Variants in ANKRD17 observed in about 807,000 individuals in gnomAD.
ANKRD17 encodes the protein ankyrin repeat domain 17.
A neutral mutation model predicts 229.7 loss-of-function variants in ANKRD17; 19 were observed. The ratio of observed to expected loss-of-function variants is 0.08; its 90% CI spans 0.06 to 0.12. ANKRD17 has a LOEUF of 0.12. ANKRD17 is among the 10% of genes least tolerant of loss of function. ANKRD17 has a pLI of 1.00. For missense variants in ANKRD17, 2,176 were observed against 3,176.8 expected (o/e 0.68, Z 7.57); for synonymous variants, 1,112 against 1,146.1 (o/e 0.97, Z 0.60).
chr4:73,111,325 A>G (rs1725291138), intron 24 of ANKRD17, among the ~76,000 whole-genome samples: 1 of 152,204 alleles, frequency 6.6e-6, no homozygotes, highest in Non-Finnish European at 1.5e-5. Flanking sequence ...GAACACAAGC[A>G]CTGTGATACC....
chr4:73,145,747 ATTC>A (rs1730187994), intron 10 of ANKRD17, among the ~76,000 whole-genome samples: 1 of 152,176 alleles, frequency 6.6e-6, no homozygotes, highest in Non-Finnish European at 1.5e-5. Context: ...TATACGTTCT[ATTC>A]TAGTTAGTTG....
intron 6 of ANKRD17, among the ~76,000 whole-genome samples, chr4:73,153,047 C>G (rs1476781421): frequency 6.6e-6 from 1 of 152,070 alleles, no homozygotes; most frequent in African/African-American, 2.4e-5. Context: ...CAAAACAACA[C>G]CAGGGCCAGA....
chr4:73,200,191 G>A (rs1224297206), intron 1 of ANKRD17, among the ~76,000 whole-genome samples: 1 of 152,126 alleles, frequency 6.6e-6, no homozygotes, highest in Non-Finnish European at 1.5e-5. Context: ...CTTCCATTCA[G>A]TATTTAGTAA....
intron 24 of ANKRD17, among the ~76,000 whole-genome samples, chr4:73,105,423 C>T (rs901769037): frequency 2.0e-5 from 3 of 151,166 alleles, no homozygotes; most frequent in Non-Finnish European, 2.9e-5. Flanking sequence ...GACAGAATAT[C>T]TAAGGGGTAA....
At chr4:73,179,488 GTATATATA>G (rs1169079744) in intron 1 of ANKRD17, among the ~76,000 whole-genome samples, 14 of 48,240 alleles carry the variant, frequency 2.9e-4, no homozygotes, top group Admixed American at 7.4e-4. Context: ...GTGTGTGTGT[GTATATATA>G]TATATATATA....
chr4:73,212,684 T>C (rs776502428), intron 1 of ANKRD17, among the ~76,000 whole-genome samples: 6 of 151,746 alleles, frequency 4.0e-5, no homozygotes, highest in Non-Finnish European at 8.8e-5. Context: ...ACCCACCACA[T>C]GTTTTTGGAA....
intron 29 of ANKRD17, among the ~76,000 whole-genome samples, chr4:73,086,948 A>ATATATATATATATATATATC (rs1341807251): frequency 2.2e-5 from 2 of 92,890 alleles, no homozygotes; most frequent in African/African-American, 8.3e-5. Flanking sequence ...ATATATATAT[A>ATATATATATATATATATATC]TATATCTGTA....
At chr4:73,185,878 A>C (rs1189433906) in intron 1 of ANKRD17, among the ~76,000 whole-genome samples, 3 of 152,066 alleles carry the variant, frequency 2.0e-5, no homozygotes, top group Non-Finnish European at 4.4e-5. Flanking sequence ...CATATTTTAA[A>C]AACTGAATAT....
At chr4:73,093,674 C>A (rs1723013386) in intron 28 of ANKRD17, among the ~76,000 whole-genome samples, 2 of 152,014 alleles carry the variant, frequency 1.3e-5, no homozygotes, top group Non-Finnish European at 2.9e-5. Context: ...GTGCCCAGCC[C>A]AAGAACTCAA....
intron 1 of ANKRD17, among the ~76,000 whole-genome samples, chr4:73,241,962 A>G (rs1269356100): frequency 5.9e-5 from 9 of 152,254 alleles, no homozygotes; most frequent in South Asian, 2.1e-4. Flanking sequence ...AATTTAGTAC[A>G]TTATTTCTAA....
chr4:73,185,065 G>A (rs1736111206), intron 1 of ANKRD17, among the ~76,000 whole-genome samples: 1 of 151,944 alleles, frequency 6.6e-6, no homozygotes, highest in African/African-American at 2.4e-5. Flanking sequence ...TGGAAAAAAG[G>A]GCCAGTCTCT....
At chr4:73,153,201 C>T (rs952280890) in intron 6 of ANKRD17, among the ~76,000 whole-genome samples, 2 of 151,828 alleles carry the variant, frequency 1.3e-5, no homozygotes, top group Admixed American at 6.6e-5. Flanking sequence ...TTCTTGATGC[C>T]TAGGGGTCAA....
intron 1 of ANKRD17, among the ~76,000 whole-genome samples, chr4:73,213,948 T>C (rs1284389663): frequency 1.3e-5 from 2 of 152,172 alleles, no homozygotes; most frequent in African/African-American, 4.8e-5. Context: ...AAAAAAATAC[T>C]CAAATTTGAC....
intron 1 of ANKRD17, among the ~76,000 whole-genome samples, chr4:73,199,158 G>C (rs1220675797): frequency 6.6e-6 from 1 of 151,856 alleles, no homozygotes; most frequent in African/African-American, 2.4e-5. Context: ...TGAGTGCCCT[G>C]AGCCTTTCTT....
chr4:73,091,558 G>A lies in ANKRD17; in HGVS notation c.6070C>T (p.Pro2024Ser), dbSNP rs1722799970. Reference sequence around the variant, plus strand: ...GGCATAGGATATGTGGCATTTGTGGGTGCAGTGTTGTTGTTGCTTGCCGTG... The same window carrying A: ...GGCATAGGATATGTGGCATTTGTGGATGCAGTGTTGTTGTTGCTTGCCGTG... ...TTTASNNNTA[P>S]TNATYPMPTA... is the part of the protein sequence containing the mutation. Residue 2024 changes from proline (P) to serine (S), a missense_variant, in exon 29 of 34, where the codon CCC becomes TCC. Transcript: ENST00000358602. 2 of 1,614,050 alleles carry A rather than the reference G, an allele frequency of 1.2e-6. No homozygotes were observed. The highest frequency in any genetic ancestry group is 1.7e-5 in the Admixed American group (1 of 60,008).
intron 1 of ANKRD17, among the ~76,000 whole-genome samples, chr4:73,210,188 G>T (rs1409776428): frequency 6.6e-6 from 1 of 152,032 alleles, no homozygotes; most frequent in African/African-American, 2.4e-5. Flanking sequence ...GATCCAAGTA[G>T]ATAGAAAATC....
At chr4:73,233,949 A>G (rs1743290280) in intron 1 of ANKRD17, among the ~76,000 whole-genome samples, 1 of 151,744 alleles carries the variant, frequency 6.6e-6, no homozygotes, top group Non-Finnish European at 1.5e-5. Flanking sequence ...ATCTTTTTCC[A>G]TTCATTTTGG....
In ANKRD17 at chr4:73,121,728, T is replaced by C. The variant is rs1560549369; in HGVS notation, c.3524A>G (p.Asn1175Ser). The C allele has an allele frequency of 6.2e-7, 1 of 1,611,248 alleles. No homozygotes were observed. Among genetic ancestry groups the C allele is most frequent in the Non-Finnish European group, 8.5e-7 (1 of 1,178,992 alleles). ...VVELLLARGA[N>S]KEHRNVSDYT... ...ATCAGAAACATTCCTGTGCTCTTTA[T>C]TTGCCCCTCGAGCTAACAATAGCTC... Residue 1175 changes from asparagine (N) to serine (S), a missense_variant, in exon 19 of 34, where the codon AAT becomes AGT. Physicochemically the swap from Asn to Ser is conservative, Grantham distance 46. This residue lies in a region of ANKRD17 where 178 missense variants were observed against 421.7 expected (regional missense o/e 0.42). Coordinates refer to ENST00000358602, the MANE Select transcript of ANKRD17 (RefSeq NM_032217.5).
chr4:73,085,489 G>C, intron 29 of ANKRD17, 43 bp from the exon 30 acceptor site: 1 of 1,503,380 alleles, frequency 6.7e-7, no homozygotes, highest in Non-Finnish European at 9.2e-7. Flanking sequence ...AGTTACTCCT[G>C]CAAGAAATAG....
Sources: gnomAD v4.1 joint callset for allele counts (sites outside exome capture counted in the v4.1 genomes callset) on GRCh38, gnomAD v4.1.1 for gene constraint, gnomAD v4.1.1 regional missense constraint, MANE v1.5 for transcripts, NCBI Gene and HGNC (gene_info 2026-07-23, HGNC 2026-07-21) for gene names.